Variants in CCM2 observed in about 807,000 individuals in gnomAD.
CCM2 encodes the protein CCM2 scaffold protein.
CCM2 carries 25 observed loss-of-function variants against 44.9 expected under a neutral mutation model. The ratio of observed to expected loss-of-function variants is 0.56; its 90% confidence interval spans 0.41 to 0.78. The LOEUF (loss-of-function observed/expected upper bound fraction) is 0.78. CCM2 is among the 30% of genes least tolerant of loss of function. The probability of loss-of-function intolerance (pLI) is 0.00; values close to 1 mark genes in which losing one functional copy is unlikely to be tolerated. For missense variants in CCM2, 481 were observed against 580.6 expected, an observed-to-expected ratio of 0.83 and a Z score of 1.76; for synonymous variants, 219 against 241.1, an observed-to-expected ratio of 0.91 and a Z score of 0.85.
At chr7:45,015,993 G>A (rs1016434668) in intron 1 of CCM2, among the ~76,000 whole-genome samples, 58 of 152,204 alleles carry the variant, frequency 3.8e-4, no homozygotes, top group African/African-American at 1.2e-3. Context: ...ATCATTTTTA[G>A]CACTTTTATT....
intron 1 of CCM2, among the ~76,000 whole-genome samples, chr7:45,009,913 CT>C (rs771106378): frequency 3.7e-3 from 532 of 142,542 alleles, no homozygotes; most frequent in East Asian, 7.5e-3. Flanking sequence ...GAAATACACA[CT>C]TTTTTTTTTT....
chr7:45,027,412 T>C (rs1796736700), intron 1 of CCM2: 3 of 510,164 alleles, frequency 5.9e-6, no homozygotes, highest in Non-Finnish European at 1.1e-5. Context: ...TTCTGTTGAC[T>C]GCAGAATTTC....
At chr7:45,013,343 C>T (rs988898056) in intron 1 of CCM2, among the ~76,000 whole-genome samples, 1 of 151,912 alleles carries the variant, frequency 6.6e-6, no homozygotes, top group Non-Finnish European at 1.5e-5. Context: ...CGACTTTTCA[C>T]CTTTTTATAT....
intron 1 of CCM2, among the ~76,000 whole-genome samples, chr7:45,015,429 G>C (rs1796227144): frequency 6.6e-6 from 1 of 152,110 alleles, no homozygotes; most frequent in African/African-American, 2.4e-5. Flanking sequence ...TCCTAAAGCT[G>C]AACTAAGAAA....
chr7:45,057,997 C>G (rs1798344414), intron 2 of CCM2, among the ~76,000 whole-genome samples: 2 of 152,344 alleles, frequency 1.3e-5, no homozygotes, highest in Non-Finnish European at 2.9e-5. Context: ...ACTCTTCTGC[C>G]TGTTTCCTGC....
At chr7:45,053,066 C>T (rs908760257) in intron 2 of CCM2, among the ~76,000 whole-genome samples, 8 of 152,312 alleles carry the variant, frequency 5.3e-5, no homozygotes, top group Middle Eastern at 3.4e-3. Flanking sequence ...TCAGGTGGAC[C>T]TGGCTGGGCT....
At chr7:45,008,665 G>T (rs1334651644) in intron 1 of CCM2, among the ~76,000 whole-genome samples, 1 of 152,032 alleles carries the variant, frequency 6.6e-6, no homozygotes, top group African/African-American at 2.4e-5. Flanking sequence ...CCCGGCCAAG[G>T]GTACATGTTC....
Position 45,072,736 on chromosome 7 carries a change from T to C in CCM2, c.756T>C (p.Ser252=). 2 of 1,612,838 alleles carry C rather than the reference T, an allele frequency of 1.2e-6. No individual in the cohort carries two copies. Among genetic ancestry groups the C allele is most frequent in the Non-Finnish European group, 1.7e-6 (2 of 1,179,470 alleles). Residue 252 remains serine (S), a synonymous_variant, in exon 7 of 10, where the codon TCT becomes TCC. Transcript: ENST00000258781. ...GCATCTTCCTTACAGATGACTCTTC[T>C]ACAAAAGTGGACATTAAGGAGACCT... is the stretch of plus-strand genomic sequence containing the variant. ...HHLSLHSDDS[S]TKVDIKETYE...
At chr7:45,049,423 T>C (rs1197033175) in intron 2 of CCM2, among the ~76,000 whole-genome samples, 1 of 152,218 alleles carries the variant, frequency 6.6e-6, no homozygotes, top group Non-Finnish European at 1.5e-5. Flanking sequence ...AGCTTACACA[T>C]GCATTTGTTT....
At chr7:45,037,454 T>C (rs902196097) in intron 1 of CCM2, among the ~76,000 whole-genome samples, 1 of 144,486 alleles carries the variant, frequency 6.9e-6, no homozygotes, top group Non-Finnish European at 1.5e-5. Flanking sequence ...AGTATCTTGC[T>C]CTGTTGCCCA....
chr7:45,023,677 A>G (rs1490545970), intron 1 of CCM2, among the ~76,000 whole-genome samples: 1 of 150,612 alleles, frequency 6.6e-6, no homozygotes, highest in African/African-American at 2.4e-5. Flanking sequence ...GTTATTGTGA[A>G]TGAGATTCAG....
At chr7:45,017,113 T>G (rs1263523951) in intron 1 of CCM2, among the ~76,000 whole-genome samples, 2 of 152,234 alleles carry the variant, frequency 1.3e-5, no homozygotes, top group Non-Finnish European at 2.9e-5. Flanking sequence ...GGGGTACATG[T>G]GCAGGTTTGT....
intron 2 of CCM2, among the ~76,000 whole-genome samples, chr7:45,042,260 C>A (rs958377286): frequency 4.2e-4 from 3 of 7,064 alleles, no homozygotes; most frequent in African/African-American, 2.1e-3. Flanking sequence ...AGCGAGATTC[C>A]ATCTCAAAAA....
chr7:45,004,106 G>T (rs781552407), intron 1 of CCM2, among the ~76,000 whole-genome samples: 18 of 152,218 alleles, frequency 1.2e-4, no homozygotes, highest in Non-Finnish European at 2.4e-4. Flanking sequence ...CTTGAGCCCT[G>T]GAGGTCGAGG....
At position 45,075,942 on chromosome 7, in the gene CCM2, G is replaced by A. The variant is rs939543180; in HGVS notation, c.1220G>A (p.Gly407Asp). 1 of 1,613,228 alleles carries A rather than the reference G, an allele frequency of 6.2e-7. No individual in the cohort carries two copies. Among genetic ancestry groups the A allele is most frequent in the Non-Finnish European group, 8.5e-7 (1 of 1,180,034 alleles). ...SSTTNGNRAT[G>D]SSDDRSAPSE... Reference sequence around the variant, plus strand: ...ACCACCAATGGGAACAGGGCCACGGGCAGCTCTGATGACCGGTCGGCACCC... The same window carrying A: ...ACCACCAATGGGAACAGGGCCACGGACAGCTCTGATGACCGGTCGGCACCC... Residue 407 changes from glycine to aspartate, a missense_variant, in exon 10 of 10, where the codon GGC becomes GAC. Transcript: ENST00000258781.
At chr7:45,064,312 A>G (rs1242154722) in intron 3 of CCM2, 151 bp from the exon 4 acceptor site, 3 of 801,580 alleles carry the variant, frequency 3.7e-6, no homozygotes, top group Non-Finnish European at 6.3e-6. Flanking sequence ...TGTCCCTGGA[A>G]TAAGCACTGT....
At chr7:45,049,448 C>T (rs1000852655) in intron 2 of CCM2, among the ~76,000 whole-genome samples, 3 of 152,144 alleles carry the variant, frequency 2.0e-5, no homozygotes, top group African/African-American at 7.2e-5. Context: ...AATGATTACA[C>T]GGTATACACT....
intron 8 of CCM2, chr7:45,073,902 G>C: frequency 1.9e-6 from 1 of 521,840 alleles, no homozygotes; most frequent in Non-Finnish European, 3.5e-6. Context: ...ATATAGTTCT[G>C]TCATTGCAAA....
chr7:45,065,926 A>G (rs1798751486), intron 4 of CCM2, among the ~76,000 whole-genome samples: 1 of 152,168 alleles, frequency 6.6e-6, no homozygotes, highest in Non-Finnish European at 1.5e-5. Context: ...TAGGCCTGGG[A>G]CATCCTTAGG....
Sources: gnomAD v4.1 joint callset for allele counts (sites outside exome capture counted in the v4.1 genomes callset) on GRCh38, gnomAD v4.1.1 for gene constraint, MANE v1.5 for transcripts, NCBI Gene and HGNC (gene_info 2026-07-23, HGNC 2026-07-21) for gene names.